FHIT: variants seen among roughly 807,000 people sequenced by gnomAD.
FHIT encodes bis(5'-adenosyl)-triphosphatase.
A neutral mutation model predicts 17.9 loss-of-function variants in FHIT; 19 were observed. That is an observed-to-expected ratio of 1.06 (90% CI 0.74 to 1.56). FHIT has a LOEUF of 1.56. Ranked by LOEUF, FHIT falls within the 40% of genes most tolerant of loss-of-function variation. The pLI, the probability that FHIT is intolerant of heterozygous loss-of-function variation, is 0.00. For missense variants in FHIT, 248 were observed against 189.2 expected, an observed-to-expected ratio of 1.31 and a Z score of -1.82; for synonymous variants, 81 against 69.7, an observed-to-expected ratio of 1.16 and a Z score of -0.81.
chr3:60,833,713 T>A (rs1230321227), intron 3 of FHIT, among the ~76,000 whole-genome samples: 1 of 152,176 alleles, frequency 6.6e-6, no homozygotes, highest in African/African-American at 2.4e-5. Context: ...ACCAAGATAT[T>A]GACAATGACA....
intron 8 of FHIT, among the ~76,000 whole-genome samples, chr3:59,848,614 A>G (rs1701811837): frequency 6.6e-6 from 1 of 152,198 alleles, no homozygotes; most frequent in South Asian, 2.1e-4. Flanking sequence ...TTCCCAAAGT[A>G]CTTACATTTA....
chr3:61,000,297 C>G (rs552502213), intron 3 of FHIT, among the ~76,000 whole-genome samples: 1 of 152,302 alleles, frequency 6.6e-6, no homozygotes, highest in African/African-American at 2.4e-5. Flanking sequence ...CCATGCGACA[C>G]TTCTGTTCCA....
intron 5 of FHIT, among the ~76,000 whole-genome samples, chr3:60,386,093 C>T (rs1230764093): frequency 6.6e-6 from 1 of 152,094 alleles, no homozygotes; most frequent in Non-Finnish European, 1.5e-5. Flanking sequence ...GTAACTTGGC[C>T]AGAGCTGCAG....
intron 8 of FHIT, among the ~76,000 whole-genome samples, chr3:59,786,886 T>A (rs1206449453): frequency 1.3e-5 from 2 of 152,204 alleles, no homozygotes; most frequent in East Asian, 3.9e-4. Flanking sequence ...CAAACCCAAA[T>A]GCTTTATGTG....
chr3:61,052,653 G>C (rs1046859597), intron 2 of FHIT, among the ~76,000 whole-genome samples: 60 of 152,118 alleles, frequency 3.9e-4, no homozygotes, highest in Admixed American at 2.0e-4. Context: ...TATTGCCCAC[G>C]AGTTTCTAAA....
chr3:60,775,466 A>T (rs1459097828), intron 4 of FHIT, among the ~76,000 whole-genome samples: 1 of 151,974 alleles, frequency 6.6e-6, no homozygotes, highest in Non-Finnish European at 1.5e-5. Context: ...TCTATCAGGG[A>T]CTCAAGCCTT....
rs534207459 is a variant in FHIT, at chr3:60,459,073, T to C, written c.103+77787A>G. Among the ~76,000 whole-genome samples, 36 of 152,308 alleles carry C rather than the reference T, an allele frequency of 2.4e-4. 1 individual carries two copies. The South Asian group carries it at 7.5e-3, about 32-fold the overall frequency. ...CTGGGATTACAAGCATGAGCCACAGTGCCCAGCCCATTTTTATCGTTGGTG... is the reference window on the plus strand; with the variant it reads ...CTGGGATTACAAGCATGAGCCACAGCGCCCAGCCCATTTTTATCGTTGGTG... On this transcript the variant is annotated intron_variant, in intron 5 of 9. Transcript: ENST00000492590.
intron 5 of FHIT, among the ~76,000 whole-genome samples, chr3:60,402,820 T>C (rs770808508): frequency 6.6e-6 from 1 of 152,178 alleles, no homozygotes; most frequent in Non-Finnish European, 1.5e-5. Flanking sequence ...TCAAGAACAG[T>C]ACCCAGTACA....
intron 8 of FHIT, among the ~76,000 whole-genome samples, chr3:59,906,440 G>A (rs1704587888): frequency 1.3e-5 from 2 of 152,166 alleles, no homozygotes; most frequent in Non-Finnish European, 2.9e-5. Context: ...AGCTTTCAGA[G>A]GAGTCTGTAA....
intron 5 of FHIT, among the ~76,000 whole-genome samples, chr3:60,498,422 C>T (rs985936109): frequency 6.6e-6 from 1 of 152,112 alleles, no homozygotes; most frequent in Non-Finnish European, 1.5e-5. Context: ...TTAAATTATG[C>T]TATTAATGAT....
intron 2 of FHIT, among the ~76,000 whole-genome samples, chr3:61,064,744 T>C (rs189941952): frequency 1.3e-5 from 2 of 152,288 alleles, no homozygotes; most frequent in Non-Finnish European, 2.9e-5. Flanking sequence ...GATGAAATCC[T>C]TCATAGGATC....
At chr3:59,980,213 T>C (rs1171962545) in intron 7 of FHIT, among the ~76,000 whole-genome samples, 1 of 152,142 alleles carries the variant, frequency 6.6e-6, no homozygotes, top group Admixed American at 6.5e-5. Flanking sequence ...TCATCACAAA[T>C]TTGGGCATTG....
intron 7 of FHIT, among the ~76,000 whole-genome samples, chr3:59,997,824 C>A (rs1182709298): frequency 6.6e-6 from 1 of 152,148 alleles, no homozygotes; most frequent in Non-Finnish European, 1.5e-5. Flanking sequence ...CTACCCCCAC[C>A]TTTTTATAAG....
chr3:60,610,582 G>C (rs1169071277), intron 4 of FHIT, among the ~76,000 whole-genome samples: 2 of 152,132 alleles, frequency 1.3e-5, no homozygotes, highest in African/African-American at 4.8e-5. Context: ...TCAGCTTCTT[G>C]AGAGAACTAT....
intron 2 of FHIT, among the ~76,000 whole-genome samples, chr3:61,060,717 T>C (rs993757807): frequency 1.3e-5 from 2 of 152,268 alleles, no homozygotes; most frequent in Non-Finnish European, 1.5e-5. Context: ...CAGTATTACA[T>C]GAACCTGCTC....
At chr3:60,411,822 C>A (rs556747915) in intron 5 of FHIT, among the ~76,000 whole-genome samples, 35 of 152,178 alleles carry the variant, frequency 2.3e-4, no homozygotes, top group African/African-American at 3.1e-4. Flanking sequence ...CTGGATCCAC[C>A]TGACAATGCT....
At chr3:60,216,987 T>C (rs888051820) in intron 5 of FHIT, among the ~76,000 whole-genome samples, 2 of 152,130 alleles carry the variant, frequency 1.3e-5, no homozygotes, top group Non-Finnish European at 2.9e-5. Context: ...GCTCCGAGAA[T>C]ATAAAAATGA....
chr3:60,831,353 A>G (rs1399379883), intron 3 of FHIT, among the ~76,000 whole-genome samples: 5 of 152,216 alleles, frequency 3.3e-5, no homozygotes, highest in African/African-American at 1.2e-4. Context: ...TTATAATGCA[A>G]GACTAAGAGA....
intron 7 of FHIT, among the ~76,000 whole-genome samples, chr3:59,928,504 A>G (rs1705783826): frequency 6.6e-6 from 1 of 152,244 alleles, no homozygotes; most frequent in South Asian, 2.1e-4. Context: ...TGATAAGGGA[A>G]GTATATCTAA....
Sources: gnomAD v4.1 joint callset for allele counts (sites outside exome capture counted in the v4.1 genomes callset) on GRCh38, gnomAD v4.1.1 for gene constraint, MANE v1.5 for transcripts, NCBI Gene and HGNC (gene_info 2026-07-23, HGNC 2026-07-21) for gene names.